MREG: variants seen among roughly 807,000 people sequenced by gnomAD.
MREG encodes the protein dilute suppressor protein homolog.
Under a neutral mutation model 28.5 loss-of-function variants are expected in MREG, and 31 were observed. That is an observed-to-expected ratio of 1.09 (90% CI 0.82 to 1.47). The LOEUF (loss-of-function observed/expected upper bound fraction) is 1.47. MREG is among the 40% of genes most tolerant of loss of function. The pLI, the probability that MREG is intolerant of heterozygous loss-of-function variation, is 0.00. For synonymous variants in MREG, 106 were observed against 95.2 expected (o/e 1.11, Z -0.66); for missense variants, 256 against 257.4 (o/e 0.99, Z 0.04).
chr2:216,018,948 C>G (rs1381457186), intron 1 of MREG, among the ~76,000 whole-genome samples: 1 of 152,214 alleles, frequency 6.6e-6, no homozygotes, highest in African/African-American at 2.4e-5. Flanking sequence ...CAATCAAACA[C>G]TCTTTCTATA....
intron 1 of MREG, among the ~76,000 whole-genome samples, chr2:216,003,142 T>TG (rs540581023): frequency 0.018 from 2,801 of 152,130 alleles, 80 homozygotes; most frequent in African/African-American, 0.062. Context: ...AGCTGGGGTG[T>TG]CGGGGGGCGA....
chr2:215,940,277 C>T (rs1692182615), downstream of MREG, among the ~76,000 whole-genome samples: 7 of 152,190 alleles, frequency 4.6e-5, no homozygotes, highest in Admixed American at 2.6e-4. Context: ...TTCAAAGTGG[C>T]TACCCATTTT....
At chr2:215,949,086 AC>A (rs747220534) in intron 2 of MREG, among the ~76,000 whole-genome samples, 5,220 of 132,004 alleles carry the variant, frequency 0.04, 115 homozygotes, top group Non-Finnish European at 0.045. Flanking sequence ...TACTACTACT[AC>A]TAATAATAAT....
chr2:215,993,202 G>C (rs1207696412), intron 2 of MREG, among the ~76,000 whole-genome samples: 2 of 152,138 alleles, frequency 1.3e-5, no homozygotes, highest in East Asian at 3.8e-4. Context: ...AAACAACACA[G>C]TACTAGTACC....
chr2:215,980,661 G>A, intron 2 of MREG, among the ~76,000 whole-genome samples: 1 of 152,256 alleles, frequency 6.6e-6, no homozygotes, highest in East Asian at 1.9e-4. Flanking sequence ...TGGGCGCAGT[G>A]GCTCATGCCT....
intron 1 of MREG, among the ~76,000 whole-genome samples, chr2:216,024,976 A>G (rs113752807): frequency 2.0e-5 from 3 of 151,316 alleles, no homozygotes; most frequent in African/African-American, 7.3e-5. Context: ...AGGAAAGGAA[A>G]AAGGAAAAGG....
chr2:215,976,607 G>A (rs1406265450), intron 2 of MREG, among the ~76,000 whole-genome samples: 1 of 152,168 alleles, frequency 6.6e-6, no homozygotes, highest in African/African-American at 2.4e-5. Flanking sequence ...CGTATTTAGA[G>A]CAACATCTGG....
intron 2 of MREG, among the ~76,000 whole-genome samples, chr2:215,956,335 A>C (rs1246446189): frequency 6.6e-6 from 1 of 152,178 alleles, no homozygotes; most frequent in Non-Finnish European, 1.5e-5. Context: ...TGTAAATATT[A>C]CATCTATCTA....
upstream of MREG, chr2:216,033,059 C>G (rs1031549949): frequency 2.6e-5 from 4 of 152,112 alleles, no homozygotes; most frequent in Admixed American, 6.6e-5. Flanking sequence ...CATTTTAAAC[C>G]TTTACACCTT....
intron 1 of MREG, among the ~76,000 whole-genome samples, chr2:216,011,914 T>C (rs1324583807): frequency 1.3e-5 from 2 of 152,188 alleles, no homozygotes; most frequent in African/African-American, 4.8e-5. Flanking sequence ...AGATTAGAGA[T>C]AGATTATTCC....
chr2:216,019,543 C>T (rs1694492494), intron 1 of MREG, among the ~76,000 whole-genome samples: 1 of 149,202 alleles, frequency 6.7e-6, no homozygotes, highest in South Asian at 2.1e-4. Flanking sequence ...CTTGCTCTGT[C>T]GCCCAGGCTG....
intron 1 of MREG, among the ~76,000 whole-genome samples, chr2:216,024,932 G>T (rs1466745681): frequency 1.1e-4 from 8 of 73,674 alleles, no homozygotes; most frequent in Non-Finnish European, 2.2e-4. Flanking sequence ...AAAAAGGAAC[G>T]GAAAGGAAGG....
rs549071665 is a variant in MREG, at chr2:215,944,401, T to C, written c.*462A>G. 2 of 153,062 alleles carry C rather than the reference T, an allele frequency of 1.3e-5. No homozygotes were observed. The highest frequency in any genetic ancestry group is 4.1e-4 in the South Asian group (2 of 4,868). The allele number at this position is 153,062 out of a possible 1,614,324, so 9.5% of individuals were successfully genotyped here. A position where few individuals can be genotyped will look rare whatever the true frequency, so the allele number is the denominator to read the frequency against. The stretch of plus-strand genomic sequence containing the variant: ...TGACCAAATCAGAGAGGTCACCTCA[T>C]GCCTAGTATTATTTTGGGGTTAGCA... On this transcript the variant is annotated 3_prime_UTR_variant, in exon 5 of 5. Coordinates refer to ENST00000263268, the MANE Select transcript of MREG (RefSeq NM_018000.3).
At chr2:216,019,878 T>C (rs1316387408) in intron 1 of MREG, among the ~76,000 whole-genome samples, 1 of 152,184 alleles carries the variant, frequency 6.6e-6, no homozygotes, top group African/African-American at 2.4e-5. Context: ...AAAACCTTAA[T>C]AGTCATAGTC....
At chr2:215,969,312 C>A (rs1220863193) in intron 2 of MREG, among the ~76,000 whole-genome samples, 1 of 152,144 alleles carries the variant, frequency 6.6e-6, no homozygotes, top group Non-Finnish European at 1.5e-5. Context: ...AGCTTAAAAA[C>A]CACAGACTTA....
Position 215,943,592 on chromosome 2 carries a change from A to G in MREG, c.*1271T>C. ...CGCGGTGACTCACGCCTGTAATCCC[A>G]GCACTTTGGGAGGCTGGGGCAGGCG... is the stretch of plus-strand genomic sequence containing the variant. On this transcript the variant is annotated 3_prime_UTR_variant, in exon 5 of 5. Transcript: ENST00000263268. The G allele has an allele frequency of 2.3e-6, 1 of 431,622 alleles. No homozygotes were observed. 26.7% of individuals were successfully genotyped at this position (431,622 alleles called of 1,614,324 possible).
At chr2:216,001,640 C>G (rs977346633) in intron 1 of MREG, among the ~76,000 whole-genome samples, 2 of 152,170 alleles carry the variant, frequency 1.3e-5, no homozygotes, top group Non-Finnish European at 2.9e-5. Flanking sequence ...AAACAAAGAA[C>G]TTTTTTCAAA....
At chr2:216,008,856 G>C (rs944438272) in intron 1 of MREG, among the ~76,000 whole-genome samples, 3 of 152,188 alleles carry the variant, frequency 2.0e-5, no homozygotes, top group Non-Finnish European at 4.4e-5. Flanking sequence ...AGGATCAGGA[G>C]CATGAGGGCA....
intron 2 of MREG, among the ~76,000 whole-genome samples, chr2:215,990,338 G>A (rs1162831841): frequency 2.0e-5 from 3 of 152,110 alleles, no homozygotes; most frequent in Non-Finnish European, 4.4e-5. Flanking sequence ...GTACAGACAA[G>A]CAAATACTGA....
Sources: allele counts gnomAD v4.1 joint callset (sites outside exome capture counted in the v4.1 genomes callset), GRCh38; gene constraint gnomAD v4.1.1; transcripts MANE v1.5; gene names NCBI Gene and HGNC (gene_info 2026-07-23, HGNC 2026-07-21).